Variants in ADGRG6 observed in about 807,000 individuals in gnomAD.
The protein encoded by ADGRG6 is G-protein coupled receptor 126.
Under a neutral mutation model 142.4 loss-of-function variants are expected in ADGRG6, and 84 were observed. The ratio of observed to expected loss-of-function variants is 0.59; its 90% CI spans 0.49 to 0.71. The LOEUF is 0.71. Among genes scored for constraint, ADGRG6 ranks in the 30% least tolerant of loss-of-function variants. The probability of loss-of-function intolerance (pLI) is 0.00; values close to 1 mark genes in which losing one functional copy is unlikely to be tolerated. For synonymous variants in ADGRG6, 521 were observed against 520.5 expected, an observed-to-expected ratio of 1.00 and a Z score of -0.01; for missense variants, 1,367 against 1,466.6, an observed-to-expected ratio of 0.93 and a Z score of 1.11.
intron 2 of ADGRG6, among the ~76,000 whole-genome samples, chr6:142,318,549 T>A (rs9373343): frequency 0.075 from 11,212 of 148,620 alleles, 574 homozygotes; most frequent in East Asian, 0.25. Context: ...AATAATAGGA[T>A]GCAGTGTGAT....
chr6:142,404,592 C>T (rs563850475), intron 14 of ADGRG6, among the ~76,000 whole-genome samples: 2 of 152,028 alleles, frequency 1.3e-5, no homozygotes, highest in Admixed American at 6.5e-5. Flanking sequence ...TGCAGTGAGC[C>T]GGAATCATGC....
At chr6:142,416,250 A>G (rs1392442245) in intron 20 of ADGRG6, among the ~76,000 whole-genome samples, 186 bp downstream of exon 20, 3 of 152,180 alleles carry the variant, frequency 2.0e-5, no homozygotes, top group Non-Finnish European at 4.4e-5. Context: ...TTTAAAACTC[A>G]TCAACAGCAC....
chr6:142,438,158 A>C, intron 23 of ADGRG6, 54 bp from the exon 24 acceptor site: 154 of 986,714 alleles, frequency 1.6e-4, no homozygotes, highest in Middle Eastern at 2.2e-4. Context: ...TTTTCAGAGC[A>C]GTTCATATTC....
Position 142,302,016 on chromosome 6 carries a change from T to C in ADGRG6, c.-314T>C. The C allele has an allele frequency of 2.1e-6, 1 of 468,632 alleles. No homozygotes were observed. The highest frequency in any genetic ancestry group is 4.4e-5 in the South Asian group (1 of 22,976). The allele number at this position is 468,632 out of a possible 1,614,324, so 29.0% of individuals were successfully genotyped here. ...CGCACCCCTGCCTGGCCCGGTCTCC[T>C]CAGCACCAGCCCCACGCACACCCTA... On this transcript the variant is annotated 5_prime_UTR_variant, in exon 1 of 25. Transcript: ENST00000367609.
At chr6:142,401,756 A>G (rs1297365788) in intron 11 of ADGRG6, among the ~76,000 whole-genome samples, 1 of 152,062 alleles carries the variant, frequency 6.6e-6, no homozygotes, top group Non-Finnish European at 1.5e-5. Context: ...ATTTGGGAAC[A>G]TTGTATAGAT....
At chr6:142,360,179 G>A (rs1780646639) in intron 2 of ADGRG6, among the ~76,000 whole-genome samples, 1 of 152,152 alleles carries the variant, frequency 6.6e-6, no homozygotes, top group Non-Finnish European at 1.5e-5. Context: ...TGTTCATGCT[G>A]CTAACAATTA....
At chr6:142,332,731 A>G (rs567687606) in intron 2 of ADGRG6, among the ~76,000 whole-genome samples, 9 of 152,208 alleles carry the variant, frequency 5.9e-5, no homozygotes, top group South Asian at 2.1e-4. Context: ...TTAGACATCT[A>G]TTGTTATCTT....
At chr6:142,442,563 T>C (rs892458481) in intron 24 of ADGRG6, among the ~76,000 whole-genome samples, 1 of 152,070 alleles carries the variant, frequency 6.6e-6, no homozygotes, top group Non-Finnish European at 1.5e-5. Flanking sequence ...GCTATAATAT[T>C]AGTGCTGTTA....
At chr6:142,347,264 A>C (rs949531118) in intron 2 of ADGRG6, among the ~76,000 whole-genome samples, 14 of 152,242 alleles carry the variant, frequency 9.2e-5, no homozygotes, top group African/African-American at 3.1e-4. Context: ...AGTTGTTTTT[A>C]GTTGTCTGCC....
intron 11 of ADGRG6, among the ~76,000 whole-genome samples, chr6:142,401,473 T>G (rs1562367990): frequency 1.3e-5 from 2 of 152,222 alleles, no homozygotes; most frequent in African/African-American, 4.8e-5. Flanking sequence ...GTATTTTGTT[T>G]CCAAGATGCA....
intron 2 of ADGRG6, among the ~76,000 whole-genome samples, chr6:142,317,435 G>C (rs181809670): frequency 6.6e-6 from 1 of 151,882 alleles, no homozygotes; most frequent in East Asian, 1.9e-4. Flanking sequence ...CCTTAGCAGG[G>C]TGTGTCTAGC....
intron 2 of ADGRG6, among the ~76,000 whole-genome samples, chr6:142,362,109 A>T: frequency 6.6e-6 from 1 of 152,168 alleles, no homozygotes; most frequent in East Asian, 1.9e-4. Flanking sequence ...GAAGAAAGAG[A>T]TGTGTTTGAG....
At chr6:142,338,013 C>CTTTTTTTTTT (rs1779405902) in intron 2 of ADGRG6, among the ~76,000 whole-genome samples, 3 of 26,042 alleles carry the variant, frequency 1.2e-4, no homozygotes, top group East Asian at 1.2e-3. Flanking sequence ...TGCCTTGTAT[C>CTTTTTTTTTT]TTTGTTTTTT....
intron 11 of ADGRG6, among the ~76,000 whole-genome samples, chr6:142,401,581 C>T (rs1775529426): frequency 6.6e-6 from 1 of 152,040 alleles, no homozygotes; most frequent in South Asian, 2.1e-4. Context: ...GAAATCAAGG[C>T]AAATCCCAAA....
At position 142,370,464 on chromosome 6, in the gene ADGRG6, C is replaced by T; in HGVS notation, c.740C>T (p.Ala247Val). The change falls in exon 4 of 25, where the codon GCA becomes GTA. Residue 247 changes from alanine to valine, a missense_variant. By Grantham distance (64) the Ala-to-Val change is moderately conservative (BLOSUM62 0). Transcript: ENST00000367609. ...LPVKEKEDIFAESFEQLCLVW... is the reference protein window; with the variant it reads ...LPVKEKEDIFVESFEQLCLVW... ...GTCAAAGAAAAAGAAGACATTTTTG[C>T]AGAAAGCTTTGAACAGCTCTGCCTT... The T allele has an allele frequency of 6.2e-7, 1 of 1,613,046 alleles. No individual in the cohort carries two copies. Among genetic ancestry groups the T allele is most frequent in the Non-Finnish European group, 8.5e-7 (1 of 1,179,092 alleles).
At chr6:142,374,139 T>A (rs12111442) in intron 4 of ADGRG6, among the ~76,000 whole-genome samples, 10,489 of 152,084 alleles carry the variant, frequency 0.069, 876 homozygotes, top group African/African-American at 0.2. Flanking sequence ...TCCTAAAATG[T>A]TTACAGTCTA....
chr6:142,370,109 A>C (rs1021041212), intron 3 of ADGRG6, 61 bp from the exon 4 acceptor site: 2 of 1,424,586 alleles, frequency 1.4e-6, no homozygotes, highest in Non-Finnish European at 1.9e-6. Context: ...GATGTTTTGC[A>C]TCACATTAGT....
chr6:142,359,553 T>G (rs1583033457), intron 2 of ADGRG6, among the ~76,000 whole-genome samples: 1 of 152,206 alleles, frequency 6.6e-6, no homozygotes, highest in South Asian at 2.1e-4. Context: ...CTCAGTTTCT[T>G]GATTTGGTTA....
chr6:142,313,181 A>G (rs1441154505), intron 2 of ADGRG6, among the ~76,000 whole-genome samples: 1 of 152,070 alleles, frequency 6.6e-6, no homozygotes, highest in Non-Finnish European at 1.5e-5. Flanking sequence ...TCTTTTTTTA[A>G]AAAAAGCCAC....
Sources: allele counts gnomAD v4.1 joint callset (sites outside exome capture counted in the v4.1 genomes callset), GRCh38; gene constraint gnomAD v4.1.1; transcripts MANE v1.5; gene names NCBI Gene and HGNC (gene_info 2026-07-23, HGNC 2026-07-21).